CTNND2: variants seen among roughly 807,000 people sequenced by gnomAD.
The protein encoded by CTNND2 is catenin delta 2.
A neutral mutation model predicts 144.4 loss-of-function variants in CTNND2; 22 were observed. The observed-to-expected ratio is 0.15, with a 90% confidence interval of 0.11 to 0.22. The LOEUF is 0.22. CTNND2 is among the 10% of genes least tolerant of loss of function. The pLI, the probability that CTNND2 is intolerant of heterozygous loss-of-function variation, is 1.00. For synonymous variants in CTNND2, 751 were observed against 695.6 expected, an observed-to-expected ratio of 1.08 and a Z score of -1.25; for missense variants, 1,353 against 1,618.8, an observed-to-expected ratio of 0.84 and a Z score of 2.82.
At chr5:11,900,054 A>T (rs1259109412) in intron 1 of CTNND2, among the ~76,000 whole-genome samples, 1 of 152,206 alleles carries the variant, frequency 6.6e-6, no homozygotes, top group Non-Finnish European at 1.5e-5. Context: ...AAAATATTGT[A>T]ATATATAATA....
chr5:11,140,819 A>T (rs1756655697), intron 12 of CTNND2, among the ~76,000 whole-genome samples: 1 of 152,252 alleles, frequency 6.6e-6, no homozygotes, highest in Non-Finnish European at 1.5e-5. Flanking sequence ...TTCTAGATTT[A>T]TTAAAAAAAC....
chr5:11,895,014 GAGA>G (rs1159402049), intron 1 of CTNND2, among the ~76,000 whole-genome samples: 4 of 152,186 alleles, frequency 2.6e-5, no homozygotes, highest in African/African-American at 4.8e-5. Flanking sequence ...TGTGACCAGA[GAGA>G]AGGAGTGTGT....
intron 2 of CTNND2, among the ~76,000 whole-genome samples, chr5:11,658,573 G>A (rs1163390903): frequency 1.3e-5 from 2 of 151,890 alleles, no homozygotes; most frequent in Admixed American, 6.6e-5. Context: ...GTATTCCGTG[G>A]AAACTCACTA....
chr5:11,620,792 G>A (rs1780794872), intron 2 of CTNND2, among the ~76,000 whole-genome samples: 1 of 152,132 alleles, frequency 6.6e-6, no homozygotes, highest in Non-Finnish European at 1.5e-5. Flanking sequence ...GGCTGGAGTT[G>A]TTCTTCCTAG....
At chr5:10,981,659 G>A in intron 21 of CTNND2, 114 bp downstream of exon 21, 1 of 991,688 alleles carries the variant, frequency 1.0e-6, no homozygotes, top group Non-Finnish European at 1.6e-6. Context: ...AGGGGACGTT[G>A]CCTTCTTTTT....
intron 16 of CTNND2, among the ~76,000 whole-genome samples, chr5:11,061,899 G>A (rs1747029550): frequency 6.6e-6 from 1 of 152,036 alleles, no homozygotes; most frequent in South Asian, 2.1e-4. Flanking sequence ...AGTAGAGATG[G>A]GGTTTCACCA....
chr5:11,270,729 G>T (rs143324257), intron 9 of CTNND2, among the ~76,000 whole-genome samples: 175 of 152,154 alleles, frequency 1.2e-3, no homozygotes, highest in African/African-American at 4.0e-3. Flanking sequence ...TACTTCCTTT[G>T]GTTGGCATTA....
chr5:11,238,187 A>G (rs1458483631), intron 9 of CTNND2, among the ~76,000 whole-genome samples: 1 of 152,202 alleles, frequency 6.6e-6, no homozygotes, highest in Non-Finnish European at 1.5e-5. Context: ...GACGAACTGT[A>G]TGAATTCTAT....
chr5:11,674,573 C>T (rs1275392123), intron 2 of CTNND2, among the ~76,000 whole-genome samples: 1 of 152,150 alleles, frequency 6.6e-6, no homozygotes, highest in Admixed American at 6.5e-5. Context: ...TGGTATTGTG[C>T]ATTCTATGGG....
intron 9 of CTNND2, among the ~76,000 whole-genome samples, chr5:11,238,976 C>T (rs1741936092): frequency 6.6e-6 from 1 of 152,228 alleles, no homozygotes; most frequent in African/African-American, 2.4e-5. Flanking sequence ...TCAGATAGCA[C>T]AGTCCTTCTT....
intron 2 of CTNND2, among the ~76,000 whole-genome samples, chr5:11,655,925 G>A (rs998473593): frequency 6.6e-6 from 1 of 151,690 alleles, no homozygotes; most frequent in Non-Finnish European, 1.5e-5. Flanking sequence ...AATACGGGAC[G>A]TACTGAGTCA....
At chr5:11,044,545 CAT>C (rs35127513) in intron 16 of CTNND2, among the ~76,000 whole-genome samples, 2,900 of 146,666 alleles carry the variant, frequency 0.02, 89 homozygotes, top group African/African-American at 0.066. Context: ...AAAAAAAATA[CAT>C]ATATATATAT....
At chr5:11,392,956 G>A (rs1759761925) in intron 6 of CTNND2, among the ~76,000 whole-genome samples, 1 of 152,084 alleles carries the variant, frequency 6.6e-6, no homozygotes, top group East Asian at 1.9e-4. Flanking sequence ...CAAGACATAG[G>A]TGTTTACAGG....
intron 20 of CTNND2, among the ~76,000 whole-genome samples, chr5:10,984,409 A>T (rs1340185803): frequency 6.6e-6 from 1 of 152,238 alleles, no homozygotes; most frequent in East Asian, 1.9e-4. Flanking sequence ...TCTGTTGCTC[A>T]GAATTAAATG....
chr5:11,014,763 G>C (rs78030311), intron 18 of CTNND2, among the ~76,000 whole-genome samples: 18,726 of 152,122 alleles, frequency 0.12, 1,207 homozygotes, highest in Non-Finnish European at 0.15. Context: ...TCTGTACCTG[G>C]GTTCGACAAG....
chr5:11,795,705 A>G (rs1398648384), intron 1 of CTNND2, among the ~76,000 whole-genome samples: 1 of 152,236 alleles, frequency 6.6e-6, no homozygotes, highest in African/African-American at 2.4e-5. Context: ...GGGAAGGAGA[A>G]TATGGTATCT....
At chr5:11,557,784 C>T (rs963297915) in intron 3 of CTNND2, among the ~76,000 whole-genome samples, 1 of 152,150 alleles carries the variant, frequency 6.6e-6, no homozygotes. Context: ...TCTTGCTGGA[C>T]ACCTTAGAAT....
At chr5:11,043,290 T>C (rs1744873565) in intron 16 of CTNND2, among the ~76,000 whole-genome samples, 1 of 152,206 alleles carries the variant, frequency 6.6e-6, no homozygotes, top group Non-Finnish European at 1.5e-5. Flanking sequence ...TCTCAGGCTA[T>C]ATAATATTGA....
intron 2 of CTNND2, among the ~76,000 whole-genome samples, chr5:11,585,033 G>A (rs13357625): frequency 0.015 from 2,323 of 152,176 alleles, 73 homozygotes; most frequent in African/African-American, 0.053. Flanking sequence ...GGAGAGCTGC[G>A]GCATTACAAT....
Sources: gnomAD v4.1 joint callset for allele counts (sites outside exome capture counted in the v4.1 genomes callset) on GRCh38, gnomAD v4.1.1 for gene constraint, MANE v1.5 for transcripts, NCBI Gene and HGNC (gene_info 2026-07-23, HGNC 2026-07-21) for gene names.